Variants in FLT4 observed in about 807,000 individuals in gnomAD.
The protein encoded by FLT4 is vascular endothelial growth factor receptor 3.
In FLT4, 30 loss-of-function variants were observed where a neutral mutation model predicts 163.2. The ratio of observed to expected loss-of-function variants is 0.18; its 90% CI spans 0.14 to 0.25. The LOEUF (loss-of-function observed/expected upper bound fraction) is 0.25. Among genes scored for constraint, FLT4 ranks in the 10% least tolerant of loss-of-function variants. The pLI is 1.00. For missense variants in FLT4, 1,510 were observed against 1,863.8 expected (o/e 0.81, Z 3.50); for synonymous variants, 884 against 789.5 (o/e 1.12, Z -2.01).
intron 28 of FLT4, 67 bp from the exon 29 acceptor site, chr5:180,609,120 A>G: frequency 7.3e-7 from 1 of 1,363,206 alleles, no homozygotes; most frequent in African/African-American, 1.4e-5. Context: ...AGCCACCCCC[A>G]GCCAGGAAAG....
In FLT4 at chr5:180,630,291, G is replaced by A. The variant is rs1763993983; in HGVS notation, c.447C>T (p.Asn149=). The A allele has an allele frequency of 6.2e-7, 1 of 1,612,526 alleles. No individual in the cohort carries two copies. The highest frequency in any genetic ancestry group is 8.5e-7 in the Non-Finnish European group (1 of 1,179,968). The change falls in exon 4 of 30, where the codon AAC becomes AAT. Residue 149 remains asparagine (N), a synonymous_variant. Coordinates refer to ENST00000261937, the MANE Select transcript of FLT4 (RefSeq NM_182925.5). The surrounding 1 kb of genome is among the most constrained non-coding windows in gnomAD (Gnocchi z 6.3). ...AGGGCACCCACATGGCGTCCTTCCT[G>A]TTGACCAAGAGCGTGTCAGGCTTGT... The part of the protein sequence containing the change: ...FINKPDTLLV[N]RKDAMWVPCL...
intron 29 of FLT4, among the ~76,000 whole-genome samples, chr5:180,606,727 T>G (rs1299331589): frequency 6.6e-6 from 1 of 152,200 alleles, no homozygotes. Flanking sequence ...TCCGTAAATG[T>G]GACCACCATT....
chr5:180,636,018 T>G lies in FLT4; in HGVS notation c.59-4240A>C, dbSNP rs1182927679. Among the ~76,000 whole-genome samples the G allele has an allele frequency of 6.7e-6, 1 of 149,796 alleles. No homozygotes were observed. Among genetic ancestry groups the G allele is most frequent in the Non-Finnish European group, 1.5e-5 (1 of 67,450 alleles). ...ATGAATGGATGGATGGGTGGAAGAG[T>G]GGGTGGACAGGTGAAAGGTAAGTGG... On this transcript the variant is annotated intron_variant, in intron 1 of 29. Transcript: ENST00000261937. The surrounding 1 kb of genome is among the most constrained non-coding windows in gnomAD (Gnocchi z 4.3).
intron 25 of FLT4, 121 bp from the exon 26 acceptor site, chr5:180,612,732 C>A: frequency 2.6e-6 from 2 of 755,468 alleles, no homozygotes; most frequent in Non-Finnish European, 4.7e-6. Context: ...GTCTCCCACT[C>A]TTGTCCAGCT....
In FLT4 at chr5:180,626,157, G is replaced by A. The variant is rs113228434; in HGVS notation, c.1212C>T (p.Ser404=). Reference sequence around the variant, plus strand: ...TGATGTTGCGCCTCAGGCCAGCAGCGGAGTTCCACAGGGCGAGGGTGTAGG... The same window carrying A: ...TGATGTTGCGCCTCAGGCCAGCAGCAGAGTTCCACAGGGCGAGGGTGTAGG... ...TGTYTLALWN[S]AAGLRRNISL... is the part of the protein sequence containing the mutation. The change falls in exon 9 of 30, where the codon TCC becomes TCT. Residue 404 remains serine, a synonymous_variant. Coordinates refer to ENST00000261937, the MANE Select transcript of FLT4 (RefSeq NM_182925.5). 2.4e-5 allele frequency: 38 copies of A among 1,612,870 alleles called. No homozygotes were observed. Among genetic ancestry groups the A allele is most frequent in the African/African-American group, 1.2e-4 (9 of 75,052 alleles).
intron 10 of FLT4, among the ~76,000 whole-genome samples, chr5:180,625,585 C>G (rs1229967374): frequency 6.6e-6 from 1 of 152,222 alleles, no homozygotes; most frequent in Non-Finnish European, 1.5e-5. Flanking sequence ...ATTACGTGTC[C>G]AGAGGTCTTC....
chr5:180,631,923 G>T, intron 1 of FLT4, 145 bp from the exon 2 acceptor site: 1 of 123,150 alleles, frequency 8.1e-6, no homozygotes, highest in Non-Finnish European at 1.7e-5. Flanking sequence ...GCGTGGCCTG[G>T]CCTCACCATG....
rs1439215901 is a variant in FLT4, at chr5:180,611,362, G to A, written c.3655C>T (p.Pro1219Ser). 2.5e-6 allele frequency: 4 copies of A among 1,613,890 alleles called. No individual in the cohort carries two copies. Among genetic ancestry groups the A allele is most frequent in the Admixed American group, 3.3e-5 (2 of 60,028 alleles). Reference protein sequence around the residue: ...IAQADAEDSPPSLQRHSLAAR... With the variant: ...IAQADAEDSPSSLQRHSLAAR... ...GCCAGGCTGTGGCGCTGCAGGCTTG[G>A]CGGGCTGTCCTCAGCGTCAGCCTGG... The change falls in exon 27 of 30, where the codon CCA becomes TCA. Residue 1219 changes from proline (P) to serine (S), a missense_variant. By Grantham distance (74) the Pro-to-Ser change is moderately conservative. Around this residue, in one of 5 missense-constraint regions of FLT4, gnomAD observed 295 missense variants for 311.0 expected, o/e 0.95. Coordinates refer to ENST00000261937, the MANE Select transcript of FLT4 (RefSeq NM_182925.5).
intron 1 of FLT4, among the ~76,000 whole-genome samples, chr5:180,646,198 T>C (rs1765483345): frequency 6.6e-6 from 1 of 152,094 alleles, no homozygotes; most frequent in African/African-American, 2.4e-5. Context: ...AAGGTCCTGC[T>C]CCTCTCCCAG....
At chr5:180,603,733 T>C (rs1197541457) in intron 29 of FLT4, among the ~76,000 whole-genome samples, 1 of 151,786 alleles carries the variant, frequency 6.6e-6, no homozygotes, top group African/African-American at 2.4e-5. Context: ...TGAAACCCCG[T>C]CTCTACTAAA....
At position 180,624,071 on chromosome 5, in the gene FLT4, C is replaced by G. The variant is rs199699017; in HGVS notation, c.1422-10G>C. The G allele has an allele frequency of 6.2e-7, 1 of 1,610,844 alleles. No individual in the cohort carries two copies. The highest frequency in any genetic ancestry group is 2.2e-5 in the East Asian group (1 of 44,870). ...CTGCTGCCGCCGCCGGCTGCCAGGA[C>G]CAGAAGAGGCAAGGGCAGGTCAGGG... On this transcript the variant is annotated splice_polypyrimidine_tract_variant and intron_variant, in intron 10 of 29. Coordinates refer to ENST00000261937, the MANE Select transcript of FLT4 (RefSeq NM_182925.5).
chr5:180,630,709 T>A lies in FLT4; in HGVS notation c.246A>T (p.Arg82=). The change falls in exon 3 of 30, where the codon CGA becomes CGT. Residue 82 remains arginine (R), a synonymous_variant. Transcript: ENST00000261937. This position sits in a 1 kb window ranked among gnomAD's most constrained non-coding sequence, Gnocchi z 6.3. ...DKDSEDTGVV[R]DCEGTDARPY... Reference sequence around the variant, plus strand: ...GCCTGGCGTCTGTGCCCTCGCAGTCTCGCACCACCCCCGTGTCCTCGCTGT... The same window carrying A: ...GCCTGGCGTCTGTGCCCTCGCAGTCACGCACCACCCCCGTGTCCTCGCTGT... The A allele has an allele frequency of 6.2e-7, 1 of 1,612,478 alleles. No homozygotes were observed. The highest frequency in any genetic ancestry group is 8.5e-7 in the Non-Finnish European group (1 of 1,179,942).
chr5:180,622,930 C>T lies in FLT4; in HGVS notation c.1549-91G>A, dbSNP rs890919818. 40 of 791,930 alleles carry T rather than the reference C, an allele frequency of 5.1e-5. No homozygotes were observed. In the Admixed American group the frequency reaches 6.8e-4, roughly 13 times the overall value. The allele number at this position is 791,930 out of a possible 1,614,324, so 49.1% of individuals were successfully genotyped here. On this transcript the variant is annotated intron_variant, in intron 11 of 29. Coordinates refer to ENST00000261937, the MANE Select transcript of FLT4 (RefSeq NM_182925.5). ...CTGCAAGGAGGTCGCTGTGCACCAC[C>T]CCCCCCAATCATGGGGGAAACTGAG...
In FLT4 at chr5:180,620,433, GAA is replaced by G. The variant is rs1464784457; in HGVS notation, c.2407-127_2407-126del. 7.3e-7 allele frequency: 1 copy of G among 1,366,134 alleles called. No individual in the cohort carries two copies. The highest frequency in any genetic ancestry group is 1.4e-5 in the African/African-American group (1 of 69,768). The allele number at this position is 1,366,134 out of a possible 1,614,324, so 84.6% of individuals were successfully genotyped here. ...GGGGTTCTCAGTCAAGGAGGGGACAGAAAAAAAGACAGACAACCTCTGCGGGG... is the reference window on the plus strand; with the variant it reads ...GGGGTTCTCAGTCAAGGAGGGGACAGAAAAAGACAGACAACCTCTGCGGGG... On this transcript the variant is annotated intron_variant, in intron 16 of 29. Transcript: ENST00000261937. This position sits in a 1 kb window ranked among gnomAD's most constrained non-coding sequence, Gnocchi z 4.4.
At chr5:180,611,889 G>A (rs1050025502) in intron 26 of FLT4, among the ~76,000 whole-genome samples, 4 of 152,200 alleles carry the variant, frequency 2.6e-5, no homozygotes, top group African/African-American at 9.7e-5. Flanking sequence ...GGCTCAGCCG[G>A]ATCATCCCTC....
At chr5:180,609,633 C>T (rs1762021224) in intron 28 of FLT4, 1 of 452,074 alleles carries the variant, frequency 2.2e-6, no homozygotes, top group Non-Finnish European at 4.1e-6. Context: ...CCGAACCTGC[C>T]ACCGAGGAGG....
intron 1 of FLT4, among the ~76,000 whole-genome samples, chr5:180,644,862 C>A (rs1425848771): frequency 6.6e-6 from 1 of 152,250 alleles, no homozygotes; most frequent in Non-Finnish European, 1.5e-5. Context: ...TTCCCCTAAA[C>A]CCACCTGAAA....
chr5:180,625,293 G>A (rs898638047), intron 10 of FLT4, among the ~76,000 whole-genome samples: 1 of 152,320 alleles, frequency 6.6e-6, no homozygotes, highest in Admixed American at 6.5e-5. Flanking sequence ...CTGGCATCCC[G>A]CTCAGTGGAG....
At chr5:180,619,149 GGGGCGCGCTGC>G (rs1762912256) in intron 19 of FLT4, 40 bp from the exon 20 acceptor site, 1 of 1,400,498 alleles carries the variant, frequency 7.1e-7, no homozygotes, top group Non-Finnish European at 9.3e-7. Flanking sequence ...TTCGGAACCC[GGGGCGCGCTGC>G]GGGCGCGCTC....
Sources: allele counts gnomAD v4.1 joint callset (sites outside exome capture counted in the v4.1 genomes callset), GRCh38; gene constraint gnomAD v4.1.1; regional missense constraint gnomAD v4.1.1; non-coding constraint Gnocchi (gnomAD v3.1); transcripts MANE v1.5; gene names NCBI Gene and HGNC (gene_info 2026-07-23, HGNC 2026-07-21).